Variants in INTS13 observed in about 807,000 individuals in gnomAD.
The protein encoded by INTS13 is asunder, spermatogenesis regulator homolog (Drosphila).
Under a neutral mutation model 90.2 loss-of-function variants are expected in INTS13, and 35 were observed. That is an observed-to-expected ratio of 0.39 (90% CI 0.30 to 0.51). INTS13 has a LOEUF of 0.51. Among genes scored for constraint, INTS13 ranks in the 20% least tolerant of loss-of-function variants. The pLI, the probability that INTS13 is intolerant of heterozygous loss-of-function variation, is 0.80. For missense variants in INTS13, 601 were observed against 851.2 expected (o/e 0.71, Z 3.66); for synonymous variants, 309 against 277.1 (o/e 1.11, Z -1.14).
At chr12:26,909,811 G>T (rs1343893418) in intron 15 of INTS13, among the ~76,000 whole-genome samples, 1 of 152,150 alleles carries the variant, frequency 6.6e-6, no homozygotes, top group African/African-American at 2.4e-5. Flanking sequence ...AATATAACAT[G>T]TATCACTATA....
At chr12:26,929,787 G>C (rs962366641) in intron 3 of INTS13, among the ~76,000 whole-genome samples, 1 of 150,820 alleles carries the variant, frequency 6.6e-6, no homozygotes, top group African/African-American at 2.4e-5. Context: ...AGGGAAGAAA[G>C]AAAGGAAGAA....
chr12:26,928,350 C>T, intron 4 of INTS13, 65 bp from the exon 5 acceptor site: 2 of 1,261,454 alleles, frequency 1.6e-6, no homozygotes, highest in Non-Finnish European at 1.2e-6. Context: ...ATTCAAAACA[C>T]TCTTCCGCTT....
intron 10 of INTS13, 117 bp downstream of exon 10, chr12:26,917,235 T>C (rs191029626): frequency 1.7e-5 from 5 of 286,860 alleles, no homozygotes; most frequent in African/African-American, 9.1e-5. Context: ...CAGTGATGAA[T>C]ATAGCTTTCC....
intron 3 of INTS13, chr12:26,929,206 G>A (rs1411896980): frequency 8.6e-6 from 2 of 232,938 alleles, no homozygotes; most frequent in Non-Finnish European, 1.7e-5. Flanking sequence ...CACTTGACAA[G>A]ATCCAAAACC....
intron 2 of INTS13, 57 bp downstream of exon 2, chr12:26,936,522 A>G: frequency 2.4e-6 from 3 of 1,269,022 alleles, no homozygotes; most frequent in Non-Finnish European, 3.4e-6. Context: ...ATAAAAATTC[A>G]TTTATGCAGT....
intron 15 of INTS13, among the ~76,000 whole-genome samples, chr12:26,909,472 C>CT (rs756908915): frequency 0.21 from 26,634 of 126,706 alleles, 3,213 homozygotes; most frequent in African/African-American, 0.26. Context: ...AGATAATACT[C>CT]TTTTTTTTTT....
chr12:26,925,774 C>T lies in INTS13; in HGVS notation c.662G>A (p.Arg221His), dbSNP rs1269334777. The change falls in exon 6 of 17, where the codon CGT (arginine) becomes CAT (histidine). Residue 221 changes from arginine to histidine, a missense_variant. Coordinates refer to ENST00000261191, the MANE Select transcript of INTS13 (RefSeq NM_018164.3). Reference sequence around the variant, plus strand: ...TTCAACACTCACCTCTTTTTTAGAACGATCAGATACAAGGCTGTCTTCACC... The same window carrying T: ...TTCAACACTCACCTCTTTTTTAGAATGATCAGATACAAGGCTGTCTTCACC... ...PVGEDSLVSD[R>H]SKKELSPVLT... 9 of 1,607,822 alleles carry T rather than the reference C, an allele frequency of 5.6e-6. No individual in the cohort carries two copies. The highest frequency in any genetic ancestry group is 4.0e-5 in the African/African-American group (3 of 74,682).
chr12:26,913,723 A>G (rs1304715687), intron 13 of INTS13, 36 bp from the exon 14 acceptor site: 1 of 1,507,902 alleles, frequency 6.6e-7, no homozygotes, highest in East Asian at 2.3e-5. Flanking sequence ...TTTAAATAAT[A>G]TTGAAGTGTC....
intron 6 of INTS13, 124 bp from the exon 7 acceptor site, chr12:26,924,607 AG>A (rs1678118484): frequency 4.8e-6 from 5 of 1,042,026 alleles, no homozygotes; most frequent in Non-Finnish European, 6.8e-6. Context: ...TTGGAAAAAA[AG>A]GATCCATAAA....
chr12:26,911,242 T>C lies in INTS13; in HGVS notation c.1881A>G (p.Pro627=). Reference sequence around the variant, plus strand: ...CAAGGGGTTTTTTGTTTGGAGGTTCTGGGGAATCAGGCGAATCTTTTATAA... The same window carrying C: ...CAAGGGGTTTTTTGTTTGGAGGTTCCGGGGAATCAGGCGAATCTTTTATAA... ...AEIIKDSPDS[P]EPPNKKPLVE... is the part of the protein sequence containing the mutation. The change falls in exon 15 of 17, where the codon CCA becomes CCG. Residue 627 remains proline (P), a synonymous_variant. Transcript: ENST00000261191. The C allele has an allele frequency of 3.1e-6, 5 of 1,614,094 alleles. No individual in the cohort carries two copies. The highest frequency in any genetic ancestry group is 4.2e-6 in the Non-Finnish European group (5 of 1,179,958).
In INTS13 at chr12:26,905,516, C is replaced by A; in HGVS notation, c.2102G>T (p.Gly701Val). ...CACTCTTCACTGCCGGCTGGCTTTT[C>A]CATTTTCTGTTGTCTCCATCCTGAA... ...EENGMETTEN[G>V]KASRQ is the part of the protein sequence containing the mutation. The change falls in exon 17 of 17, where the codon GGA becomes GTA. Residue 701 changes from glycine to valine, a missense_variant. By Grantham distance (109) the Gly-to-Val change is moderately radical (BLOSUM62 -3). Coordinates refer to ENST00000261191, the MANE Select transcript of INTS13 (RefSeq NM_018164.3). 6.2e-7 allele frequency: 1 copy of A among 1,611,384 alleles called. No individual in the cohort carries two copies. Among genetic ancestry groups the A allele is most frequent in the Non-Finnish European group, 8.5e-7 (1 of 1,179,028 alleles).
intron 15 of INTS13, among the ~76,000 whole-genome samples, chr12:26,907,622 CAA>C (rs1482594958): frequency 1.3e-5 from 2 of 151,884 alleles, no homozygotes; most frequent in African/African-American, 4.8e-5. Flanking sequence ...TTCTGTTGTG[CAA>C]AAGTCATTTA....
intron 11 of INTS13, among the ~76,000 whole-genome samples, 176 bp from the exon 12 acceptor site, chr12:26,914,754 C>T (rs1241641293): frequency 6.6e-6 from 1 of 152,192 alleles, no homozygotes; most frequent in African/African-American, 2.4e-5. Flanking sequence ...TGAAACCTAT[C>T]AGCCTTTATA....
intron 1 of INTS13, chr12:26,937,527 T>C (rs1299429322): frequency 6.6e-6 from 1 of 152,318 alleles, no homozygotes; most frequent in Non-Finnish European, 1.5e-5. Flanking sequence ...AAACAGAGCA[T>C]ACGGTACTCC....
At position 26,931,265 on chromosome 12, in the gene INTS13, A is replaced by G. The variant is rs778362336; in HGVS notation, c.301-2360T>C. Among the ~76,000 whole-genome samples, 47 of 152,234 alleles carry G rather than the reference A, an allele frequency of 3.1e-4. 1 individual carries two copies. The highest frequency in any genetic ancestry group is 6.0e-4 in the Non-Finnish European group (41 of 68,010). On this transcript the variant is annotated intron_variant, in intron 3 of 16. Coordinates refer to ENST00000261191, the MANE Select transcript of INTS13 (RefSeq NM_018164.3). ...CAAGACCATCCTGGCTAACACAGTG[A>G]AACCCCATCTCTACGAAAAATACAA...
upstream of INTS13, chr12:26,938,143 C>T (rs908751436): frequency 6.5e-6 from 1 of 152,730 alleles, no homozygotes; most frequent in African/African-American, 2.4e-5. Context: ...AAAGCCTCCA[C>T]CCCTCGAGAT....
At chr12:26,908,038 T>C (rs1951661228) in intron 15 of INTS13, among the ~76,000 whole-genome samples, 2 of 152,180 alleles carry the variant, frequency 1.3e-5, no homozygotes, top group African/African-American at 4.8e-5. Context: ...CAGTTTCTTA[T>C]AAAATTAGTC....
chr12:26,919,822 T>C (rs115570811), intron 8 of INTS13, among the ~76,000 whole-genome samples: 66 of 152,028 alleles, frequency 4.3e-4, no homozygotes, highest in African/African-American at 1.5e-3. Flanking sequence ...AATTAGGAAG[T>C]AGAATATAAA....
intron 13 of INTS13, 78 bp from the exon 14 acceptor site, chr12:26,913,765 G>A: frequency 7.7e-7 from 1 of 1,305,574 alleles, no homozygotes; most frequent in Non-Finnish European, 1.1e-6. Flanking sequence ...AACAAATAAT[G>A]AAATGTGGAC....
Sources: gnomAD v4.1 joint callset for allele counts (sites outside exome capture counted in the v4.1 genomes callset) on GRCh38, gnomAD v4.1.1 for gene constraint, MANE v1.5 for transcripts, NCBI Gene and HGNC (gene_info 2026-07-23, HGNC 2026-07-21) for gene names.